BBS2: variants seen among roughly 807,000 people sequenced by gnomAD.
BBS2 encodes the protein BBSome complex member BBS2.
In BBS2, 62 loss-of-function variants were observed where a neutral mutation model predicts 83.0. The observed-to-expected ratio is 0.75, with a 90% CI of 0.61 to 0.92. BBS2 has a LOEUF of 0.92. BBS2 is among the 40% of genes least tolerant of loss of function. The probability of loss-of-function intolerance (pLI) is 0.00; values close to 1 mark genes in which losing one functional copy is unlikely to be tolerated. For synonymous variants in BBS2, 303 were observed against 326.1 expected (o/e 0.93, Z 0.76); for missense variants, 784 against 901.0 (o/e 0.87, Z 1.66).
chr16:56,489,259 T>C (rs1409474496), intron 15 of BBS2, among the ~76,000 whole-genome samples: 1 of 152,128 alleles, frequency 6.6e-6, no homozygotes, highest in African/African-American at 2.4e-5. Flanking sequence ...GAGGATCCCT[T>C]GTACCTGGGA....
At chr16:56,493,383 CAAAA>C (rs1177705335) in intron 15 of BBS2, among the ~76,000 whole-genome samples, 292 of 23,976 alleles carry the variant, frequency 0.012, no homozygotes, top group Middle Eastern at 0.053. Context: ...GACCTTGTCT[CAAAA>C]AAAAAAAAAA....
At chr16:56,482,447 CCT>C (rs1408420207), downstream of BBS2, among the ~76,000 whole-genome samples, 6 of 152,074 alleles carry the variant, frequency 3.9e-5, no homozygotes, top group Non-Finnish European at 7.4e-5. Context: ...CTCACAGCAA[CCT>C]CTGTGTGAGG....
At chr16:56,499,943 TG>T (rs1964215379) in intron 11 of BBS2, 36 bp from the exon 12 acceptor site, 1 of 1,612,750 alleles carries the variant, frequency 6.2e-7, no homozygotes, top group African/African-American at 1.3e-5. Flanking sequence ...AGAATTGTTT[TG>T]TATAGAATGT....
intron 17 of BBS2, among the ~76,000 whole-genome samples, chr16:56,473,498 A>G (rs1212995084): frequency 6.6e-6 from 1 of 152,218 alleles, no homozygotes; most frequent in Non-Finnish European, 1.5e-5. Flanking sequence ...AGACTGCTCA[A>G]AATTTTAAGG....
intron 15 of BBS2, among the ~76,000 whole-genome samples, chr16:56,486,810 T>TG: frequency 6.8e-6 from 1 of 148,056 alleles, no homozygotes; most frequent in Non-Finnish European, 1.5e-5. Context: ...GTAAGCTAGA[T>TG]GGAGTGCAAT....
At chr16:56,519,495 T>C (rs1241644381) in intron 1 of BBS2, 3 of 521,460 alleles carry the variant, frequency 5.8e-6, no homozygotes, top group Non-Finnish European at 1.0e-5. Context: ...CTAAGCTCCC[T>C]ATGTCCAGGG....
chr16:56,497,477 A>G (rs918061114), intron 14 of BBS2: 4 of 532,998 alleles, frequency 7.5e-6, no homozygotes, highest in Non-Finnish European at 6.7e-6. Context: ...AATAAGATGA[A>G]GAGCTAACAA....
At chr16:56,500,734 G>T in intron 11 of BBS2, 120 bp downstream of exon 11, 1 of 1,041,684 alleles carries the variant, frequency 9.6e-7, no homozygotes, top group Non-Finnish European at 1.4e-6. Context: ...ACTTTGGGTA[G>T]ACAGAACCAT....
At chr16:56,478,396 A>G (rs1963569633) in intron 17 of BBS2, 1 of 152,172 alleles carries the variant, frequency 6.6e-6, no homozygotes, top group African/African-American at 2.4e-5. Context: ...TTTTTTAACC[A>G]CAGTGTAGCA....
At chr16:56,484,026 T>TTA, downstream of BBS2, among the ~76,000 whole-genome samples, 1 of 95,136 alleles carries the variant, frequency 1.1e-5, no homozygotes, top group Non-Finnish European at 2.0e-5. Flanking sequence ...TTTTTTTTTT[T>TTA]AGACGGGAGT....
chr16:56,472,807 C>T (rs965775793), intron 17 of BBS2, among the ~76,000 whole-genome samples: 2 of 151,962 alleles, frequency 1.3e-5, no homozygotes, highest in Non-Finnish European at 2.9e-5. Flanking sequence ...TGTATTTTTT[C>T]CACTTAATAT....
downstream of BBS2, among the ~76,000 whole-genome samples, chr16:56,480,691 G>A (rs908866718): frequency 1.4e-4 from 22 of 152,264 alleles, no homozygotes; most frequent in African/African-American, 5.3e-4. Context: ...GTTTTGGGGT[G>A]CATTACTGCT....
chr16:56,497,222 T>A (rs1597012025), intron 14 of BBS2, 143 bp from the exon 15 acceptor site: 2 of 702,642 alleles, frequency 2.8e-6, no homozygotes, highest in South Asian at 3.0e-5. Flanking sequence ...TCCCGTTATT[T>A]CATCTCTGTC....
downstream of BBS2, among the ~76,000 whole-genome samples, chr16:56,482,252 CAA>C (rs1963674652): frequency 6.6e-6 from 1 of 152,172 alleles, no homozygotes; most frequent in African/African-American, 2.4e-5. Flanking sequence ...CAGTAGGACT[CAA>C]GTTTCCTCTT....
intron 9 of BBS2, 97 bp from the exon 10 acceptor site, chr16:56,501,594 C>T: frequency 1.4e-6 from 2 of 1,461,218 alleles, no homozygotes; most frequent in Non-Finnish European, 9.5e-7. Flanking sequence ...AAGACAGAGC[C>T]TCCAGCATAT....
At chr16:56,500,789 A>C in intron 11 of BBS2, 65 bp downstream of exon 11, 2 of 1,566,592 alleles carry the variant, frequency 1.3e-6, no homozygotes, top group Non-Finnish European at 1.8e-6. Flanking sequence ...GCATATGGAA[A>C]ATTTATACAT....
intron 15 of BBS2, among the ~76,000 whole-genome samples, chr16:56,486,346 T>C (rs1187049280): frequency 3.3e-5 from 5 of 152,194 alleles, no homozygotes; most frequent in African/African-American, 4.8e-5. Flanking sequence ...AGCAATCCCA[T>C]TGTAAGGTAT....
chr16:56,479,626 G>A (rs996107571), downstream of BBS2, among the ~76,000 whole-genome samples: 1 of 152,202 alleles, frequency 6.6e-6, no homozygotes, highest in East Asian at 1.9e-4. Flanking sequence ...TGGCTAGACT[G>A]AACTACATTT....
intron 1 of BBS2, among the ~76,000 whole-genome samples, chr16:56,518,961 G>GT (rs1964832115): frequency 6.6e-6 from 1 of 152,196 alleles, no homozygotes; most frequent in Non-Finnish European, 1.5e-5. Flanking sequence ...AGAACTGAAT[G>GT]TACATGGGCA....
Sources: gnomAD v4.1 joint callset for allele counts (sites outside exome capture counted in the v4.1 genomes callset) on GRCh38, gnomAD v4.1.1 for gene constraint, MANE v1.5 for transcripts, NCBI Gene and HGNC (gene_info 2026-07-23, HGNC 2026-07-21) for gene names.